SMOC1: variants seen among roughly 807,000 people sequenced by gnomAD.
SMOC1 encodes the protein SPARC related modular calcium binding 1, also known as SPARC-related modular calcium-binding protein 1.
SMOC1 carries 22 observed loss-of-function variants against 56.3 expected under a neutral mutation model. That is an observed-to-expected ratio of 0.39 (90% confidence interval 0.28 to 0.56). SMOC1 has a LOEUF of 0.56. Ranked by LOEUF, SMOC1 falls within the 20% of genes least tolerant of loss-of-function variation. The pLI is 0.61. For synonymous variants in SMOC1, 193 were observed against 215.0 expected (o/e 0.90, Z 0.89); for missense variants, 509 against 565.4 (o/e 0.90, Z 1.01).
chr14:69,912,670 T>G (rs1884584306), intron 1 of SMOC1, among the ~76,000 whole-genome samples: 1 of 152,196 alleles, frequency 6.6e-6, no homozygotes, highest in Non-Finnish European at 1.5e-5. Flanking sequence ...AGTTGTGGCT[T>G]GCTTTCTCAA....
At chr14:70,015,939 GA>G (rs988206088) in intron 10 of SMOC1, among the ~76,000 whole-genome samples, 2 of 151,910 alleles carry the variant, frequency 1.3e-5, no homozygotes, top group African/African-American at 4.8e-5. Context: ...AGGGAAAAAG[GA>G]AAAAAAAGGA....
At chr14:69,980,755 A>G (rs997781336) in intron 5 of SMOC1, among the ~76,000 whole-genome samples, 13 of 152,170 alleles carry the variant, frequency 8.5e-5, no homozygotes, top group African/African-American at 2.7e-4. Context: ...GGAGGCATCT[A>G]TTACCCTGAG....
At chr14:69,896,115 A>G (rs908621768) in intron 1 of SMOC1, among the ~76,000 whole-genome samples, 1 of 152,186 alleles carries the variant, frequency 6.6e-6, no homozygotes, top group Non-Finnish European at 1.5e-5. Flanking sequence ...AAGGGCTGGA[A>G]TTACAGGTGT....
At chr14:69,932,685 A>G (rs545018807) in intron 1 of SMOC1, among the ~76,000 whole-genome samples, 33 of 152,186 alleles carry the variant, frequency 2.2e-4, no homozygotes, top group Non-Finnish European at 3.8e-4. Flanking sequence ...CTGGGGACCG[A>G]CCCCTGTGCT....
At chr14:69,937,979 C>G (rs549612054) in intron 1 of SMOC1, among the ~76,000 whole-genome samples, 1 of 152,174 alleles carries the variant, frequency 6.6e-6, no homozygotes, top group Admixed American at 6.5e-5. Flanking sequence ...CAGCTTCATT[C>G]CCAGGGCTTA....
At chr14:69,898,730 T>C (rs1884161185) in intron 1 of SMOC1, among the ~76,000 whole-genome samples, 2 of 152,196 alleles carry the variant, frequency 1.3e-5, no homozygotes, top group South Asian at 4.1e-4. Flanking sequence ...ATATTAATCA[T>C]AGTTTTAAAA....
intron 1 of SMOC1, among the ~76,000 whole-genome samples, chr14:69,937,066 A>T (rs535105202): frequency 3.9e-5 from 6 of 152,322 alleles, no homozygotes; most frequent in South Asian, 4.1e-4. Context: ...AGTCTTTAGT[A>T]CCGAGTCTTT....
In SMOC1 at chr14:69,907,114, G is replaced by A. The variant is rs369474223; in HGVS notation, c.99+27337G>A. Reference sequence around the variant, plus strand: ...GTAGAGGGAAGGAGGTTTAATGGGTGGTGGAGGAGACAATTTCTGAGGCTA... The same window carrying A: ...GTAGAGGGAAGGAGGTTTAATGGGTAGTGGAGGAGACAATTTCTGAGGCTA... On this transcript the variant is annotated intron_variant, in intron 1 of 11. Transcript: ENST00000361956. Among the ~76,000 whole-genome samples the A allele has an allele frequency of 7.7e-4, 117 of 151,868 alleles. 2 individuals are homozygous for A. The South Asian group carries it at 0.023, about 29-fold the overall frequency.
At chr14:69,928,143 G>A (rs1347259631) in intron 1 of SMOC1, among the ~76,000 whole-genome samples, 1 of 152,230 alleles carries the variant, frequency 6.6e-6, no homozygotes, top group Non-Finnish European at 1.5e-5. Context: ...GCCTGGAGGA[G>A]GATCTGTGTA....
In SMOC1 at chr14:69,990,158, G is replaced by A. The variant is rs147341612; in HGVS notation, c.527-2259G>A. On this transcript the variant is annotated intron_variant, in intron 5 of 11. Transcript: ENST00000361956. ...TGTGGAGGTCCTTGACCTGCAAAAG[G>A]GCAAAGCTTCCCCAAAAAACCTTTT... 1.1e-4 allele frequency among the ~76,000 whole-genome samples: 17 copies of A among 152,268 alleles called. 1 individual carries two copies. The East Asian group carries it at 2.9e-3, about 26-fold the overall frequency.
intron 5 of SMOC1, among the ~76,000 whole-genome samples, chr14:69,978,558 T>C (rs774498172): frequency 1.3e-5 from 2 of 152,214 alleles, no homozygotes; most frequent in Admixed American, 6.5e-5. Context: ...GAGTGTCTGC[T>C]GAACCTTGTC....
In SMOC1 at chr14:69,995,535, G is replaced by A. The variant is rs76177716; in HGVS notation, c.664+1055G>A. ...CAGTCTTTGACAGAATAGTGCAGTGGTTAAAGCACAGGCTTTGGAATTAGT... is the reference window on the plus strand; with the variant it reads ...CAGTCTTTGACAGAATAGTGCAGTGATTAAAGCACAGGCTTTGGAATTAGT... On this transcript the variant is annotated intron_variant, in intron 7 of 11. Transcript: ENST00000361956. Among the ~76,000 whole-genome samples, 427 of 152,326 alleles carry A rather than the reference G, an allele frequency of 2.8e-3. 4 individuals are homozygous for A. Among genetic ancestry groups the A allele is most frequent in the African/African-American group, 9.6e-3 (397 of 41,566 alleles).
intron 1 of SMOC1, among the ~76,000 whole-genome samples, chr14:69,948,398 G>A (rs183328447): frequency 2.6e-5 from 4 of 152,292 alleles, no homozygotes; most frequent in Admixed American, 2.6e-4. Flanking sequence ...CTCTTCTGAA[G>A]CTGAGAATGA....
chr14:69,997,541 A>G (rs951014964), intron 7 of SMOC1, among the ~76,000 whole-genome samples: 1 of 152,200 alleles, frequency 6.6e-6, no homozygotes, highest in Non-Finnish European at 1.5e-5. Flanking sequence ...TATGTAAAAC[A>G]AAGTTTTAGT....
chr14:69,908,573 G>GTA (rs1484577547), intron 1 of SMOC1, among the ~76,000 whole-genome samples: 2 of 152,208 alleles, frequency 1.3e-5, no homozygotes, highest in Admixed American at 6.5e-5. Context: ...AAAGAACACA[G>GTA]TAGACCCCTG....
chr14:69,918,451 CT>C (rs1238181241), intron 1 of SMOC1, among the ~76,000 whole-genome samples: 1 of 152,118 alleles, frequency 6.6e-6, no homozygotes, highest in African/African-American at 2.4e-5. Flanking sequence ...TGGTCTTGAA[CT>C]CCTGAATTCA....
chr14:70,012,684 A>G (rs1885382815), intron 9 of SMOC1, among the ~76,000 whole-genome samples: 1 of 152,200 alleles, frequency 6.6e-6, no homozygotes, highest in African/African-American at 2.4e-5. Flanking sequence ...GTGACTTTAT[A>G]GGACACCCAT....
At chr14:69,915,596 T>C (rs1162978951) in intron 1 of SMOC1, among the ~76,000 whole-genome samples, 1 of 152,222 alleles carries the variant, frequency 6.6e-6, no homozygotes, top group African/African-American at 2.4e-5. Context: ...CTTTCCCTGA[T>C]CCCTTGTCTC....
At chr14:69,965,399 A>AATG (rs1883532871) in intron 3 of SMOC1, among the ~76,000 whole-genome samples, 1 of 150,868 alleles carries the variant, frequency 6.6e-6, no homozygotes, top group South Asian at 2.1e-4. Context: ...TAATAATAAT[A>AATG]ATAATAAAAA....
Sources: gnomAD v4.1 joint callset for allele counts (sites outside exome capture counted in the v4.1 genomes callset) on GRCh38, gnomAD v4.1.1 for gene constraint, MANE v1.5 for transcripts, NCBI Gene and HGNC (gene_info 2026-07-23, HGNC 2026-07-21) for gene names.